ULK4: variants seen among roughly 807,000 people sequenced by gnomAD.
The protein encoded by ULK4 is unc-51 like kinase 4.
A neutral mutation model predicts 160.6 loss-of-function variants in ULK4; 133 were observed. The ratio of observed to expected loss-of-function variants is 0.83; its 90% CI spans 0.72 to 0.96. The LOEUF is 0.96. Among genes scored for constraint, ULK4 ranks in the 40% least tolerant of loss-of-function variants. The pLI is 0.00. For synonymous variants in ULK4, 534 were observed against 539.8 expected (o/e 0.99, Z 0.15); for missense variants, 1,580 against 1,499.5 (o/e 1.05, Z -0.89).
intron 22 of ULK4, among the ~76,000 whole-genome samples, chr3:41,727,673 T>C (rs1003017810): frequency 2.0e-5 from 3 of 152,140 alleles, no homozygotes; most frequent in Non-Finnish European, 4.4e-5. Flanking sequence ...AGGGATTGTA[T>C]GCCATGGTAA....
intron 31 of ULK4, among the ~76,000 whole-genome samples, chr3:41,581,624 G>A (rs1279070482): frequency 6.6e-6 from 1 of 152,152 alleles, no homozygotes; most frequent in African/African-American, 2.4e-5. Context: ...TATATGAACA[G>A]CAGGCTAGGC....
At chr3:41,755,370 T>C (rs2038766054) in intron 21 of ULK4, among the ~76,000 whole-genome samples, 1 of 152,172 alleles carries the variant, frequency 6.6e-6, no homozygotes, top group Non-Finnish European at 1.5e-5. Flanking sequence ...GTATATGCCA[T>C]GTAAATTCTA....
At chr3:41,869,438 G>A (rs534362876) in intron 17 of ULK4, among the ~76,000 whole-genome samples, 18 of 152,058 alleles carry the variant, frequency 1.2e-4, no homozygotes, top group South Asian at 6.2e-4. Flanking sequence ...AAAATTAGCC[G>A]GGCATGGTGG....
chr3:41,333,727 G>C (rs148911062), intron 35 of ULK4, among the ~76,000 whole-genome samples: 2 of 152,290 alleles, frequency 1.3e-5, no homozygotes, highest in African/African-American at 4.8e-5. Context: ...ACAGGGCTGG[G>C]ATGCTGGCTG....
rs1439133808 is a variant in ULK4, at chr3:41,939,132, G to A, written c.139-935C>T. On this transcript the variant is annotated intron_variant, in intron 2 of 36. Transcript: ENST00000301831. ...AAAGAACAAACTCAAAAACTAGAAG[G>A]AAACAAAGCAAGACATGAGCAATGA... Among the ~76,000 whole-genome samples the A allele has an allele frequency of 3.3e-5, 5 of 149,730 alleles. No homozygotes were observed. The Admixed American group carries it at 3.3e-4, about 10-fold the overall frequency.
In ULK4 at chr3:41,950,883, A is replaced by G. The variant is rs964250352; in HGVS notation, c.138+3739T>C. Among the ~76,000 whole-genome samples the G allele has an allele frequency of 3.9e-4, 59 of 151,446 alleles. 2 individuals carry two copies. The highest frequency in any genetic ancestry group is 3.4e-3 in the Admixed American group (52 of 15,194). On this transcript the variant is annotated intron_variant, in intron 2 of 36. Coordinates refer to ENST00000301831, the MANE Select transcript of ULK4 (RefSeq NM_017886.4). ...AAATAGGCTGGGCACGGTGGCTCACACCTGTAATCCCAGCACTTTGGGAGG... is the reference window on the plus strand; with the variant it reads ...AAATAGGCTGGGCACGGTGGCTCACGCCTGTAATCCCAGCACTTTGGGAGG...
chr3:41,741,454 T>C (rs1301224369), intron 22 of ULK4, among the ~76,000 whole-genome samples: 1 of 151,954 alleles, frequency 6.6e-6, no homozygotes, highest in East Asian at 1.9e-4. Flanking sequence ...AGCTATATCA[T>C]TATTTATTGA....
chr3:41,249,665 T>A, intron 35 of ULK4, 91 bp from the exon 36 acceptor site: 2 of 1,352,904 alleles, frequency 1.5e-6, no homozygotes, highest in East Asian at 2.5e-5. Context: ...CAGGCCTGCA[T>A]GGTGCTGTGG....
At chr3:41,902,575 C>CAA (rs35656981) in intron 12 of ULK4, among the ~76,000 whole-genome samples, 2 of 53,232 alleles carry the variant, frequency 3.8e-5, no homozygotes, top group Non-Finnish European at 3.7e-5. Context: ...GAGACTCCAC[C>CAA]AAAAAAAAAA....
intron 32 of ULK4, among the ~76,000 whole-genome samples, chr3:41,550,807 T>C (rs1353516078): frequency 6.6e-6 from 1 of 152,048 alleles, no homozygotes; most frequent in Non-Finnish European, 1.5e-5. Context: ...TTGCGGAACA[T>C]TTAATCCAAC....
At chr3:41,369,787 AT>A (rs1336505455) in intron 35 of ULK4, among the ~76,000 whole-genome samples, 6 of 135,126 alleles carry the variant, frequency 4.4e-5, no homozygotes, top group African/African-American at 1.8e-4. Flanking sequence ...GAGTGAGACT[AT>A]GTCTCAAAAA....
intron 21 of ULK4, among the ~76,000 whole-genome samples, chr3:41,763,479 T>C (rs1304401137): frequency 6.6e-6 from 1 of 152,114 alleles, no homozygotes; most frequent in East Asian, 1.9e-4. Flanking sequence ...AAGAGGGCAA[T>C]TACCATTGCT....
intron 17 of ULK4, among the ~76,000 whole-genome samples, chr3:41,847,844 C>T (rs1282739292): frequency 6.6e-6 from 1 of 152,184 alleles, no homozygotes; most frequent in African/African-American, 2.4e-5. Flanking sequence ...AAACTTCAAA[C>T]TCTTGGTTTC....
intron 32 of ULK4, among the ~76,000 whole-genome samples, chr3:41,544,346 G>A (rs2086790004): frequency 1.3e-5 from 2 of 152,178 alleles, no homozygotes; most frequent in South Asian, 4.1e-4. Flanking sequence ...AAATCAGTAA[G>A]TCTTCCACCC....
At chr3:41,750,976 G>A (rs536407329) in intron 22 of ULK4, among the ~76,000 whole-genome samples, 1 of 128,552 alleles carries the variant, frequency 7.8e-6, no homozygotes, top group Admixed American at 7.7e-5. Flanking sequence ...AAAAAAAAGA[G>A]AGAGAGAGAA....
At position 41,398,155 on chromosome 3, in the gene ULK4, T is replaced by C. The variant is rs374358758; in HGVS notation, c.3602A>G (p.Glu1201Gly). The C allele has an allele frequency of 1.2e-6, 2 of 1,613,488 alleles. No homozygotes were observed. Residue 1201 changes from glutamate (E) to glycine (G), a missense_variant, in exon 35 of 37, where the codon GAA becomes GGA. By Grantham distance (98) the Glu-to-Gly change is moderately conservative (BLOSUM62 -2). Transcript: ENST00000301831. ...GGATGTCAGTAAATGAGCAAAAATT[T>C]CCACATTTTCAGGAGAGAGGCTGTC... ...NPDSLSPENVEIFAHLLTSKE... is the reference protein window; with the variant it reads ...NPDSLSPENVGIFAHLLTSKE...
At chr3:41,951,061 G>A (rs1022553699) in intron 2 of ULK4, among the ~76,000 whole-genome samples, 3 of 145,454 alleles carry the variant, frequency 2.1e-5, no homozygotes, top group African/African-American at 5.1e-5. Flanking sequence ...GGAGAATGGC[G>A]TGAACCCCGG....
chr3:41,572,311 A>T (rs1273978549), intron 31 of ULK4, among the ~76,000 whole-genome samples: 1 of 152,098 alleles, frequency 6.6e-6, no homozygotes, highest in Non-Finnish European at 1.5e-5. Context: ...ACCTGGGAGG[A>T]ACTGAAAGAA....
chr3:41,926,494 C>T lies in ULK4; in HGVS notation c.541+5350G>A, dbSNP rs140985051. ...CAAAGGAACAAAACTGGATGGAGAACGAGTTTGCCAAATTGACAGAAGTAG... is the reference window on the plus strand; with the variant it reads ...CAAAGGAACAAAACTGGATGGAGAATGAGTTTGCCAAATTGACAGAAGTAG... On this transcript the variant is annotated intron_variant, in intron 5 of 36. Coordinates refer to ENST00000301831, the MANE Select transcript of ULK4 (RefSeq NM_017886.4). Among the ~76,000 whole-genome samples the T allele has an allele frequency of 1.4e-4, 22 of 152,234 alleles. No homozygotes were observed. The East Asian group carries it at 2.5e-3, about 17-fold the overall frequency.
Sources: gnomAD v4.1 joint callset for allele counts (sites outside exome capture counted in the v4.1 genomes callset) on GRCh38, gnomAD v4.1.1 for gene constraint, MANE v1.5 for transcripts, NCBI Gene and HGNC (gene_info 2026-07-23, HGNC 2026-07-21) for gene names.